CCDC180: variants seen among roughly 807,000 people sequenced by gnomAD.
The protein encoded by CCDC180 is coiled-coil domain containing 180, also known as coiled-coil domain-containing protein 180.
CCDC180 carries 154 observed loss-of-function variants against 209.2 expected under a neutral mutation model. That is an observed-to-expected ratio of 0.74 (90% CI 0.65 to 0.84). CCDC180 has a LOEUF of 0.84. CCDC180 is among the 40% of genes least tolerant of loss of function. The pLI, the probability that CCDC180 is intolerant of heterozygous loss-of-function variation, is 0.00. For missense variants in CCDC180, 1,874 were observed against 1,997.3 expected (o/e 0.94, Z 1.18); for synonymous variants, 778 against 749.1 (o/e 1.04, Z -0.63).
At chr9:97,326,851 G>T (rs1352896257) in intron 15 of CCDC180, among the ~76,000 whole-genome samples, 182 bp downstream of exon 15, 1 of 152,170 alleles carries the variant, frequency 6.6e-6, no homozygotes, top group African/African-American at 2.4e-5. Flanking sequence ...CTTCCAGGGA[G>T]AATTTTTTAA....
At position 97,307,869 on chromosome 9, in the gene CCDC180, C is replaced by G. The variant is rs370078752; in HGVS notation, c.-82+63C>G. On this transcript the variant is annotated intron_variant, in intron 1 of 36. Transcript: ENST00000529487. ...GTCGACGTTCCCCAGCCGCCTACCC[C>G]CCAGCAGAGAGTCCTTCCCCGGGGA... 2.1e-4 allele frequency: 343 copies of G among 1,607,032 alleles called. 3 individuals are homozygous for G. In the South Asian group the frequency reaches 2.8e-3, roughly 13 times the overall value.
intron 22 of CCDC180, among the ~76,000 whole-genome samples, chr9:97,352,886 ATT>A (rs1826459541): frequency 6.6e-6 from 1 of 151,448 alleles, no homozygotes; most frequent in South Asian, 2.1e-4. Context: ...AAATCTATTC[ATT>A]GAGTTTTCAA....
At chr9:97,374,086 C>CT (rs1294684893) in intron 34 of CCDC180, 2 of 160,650 alleles carry the variant, frequency 1.2e-5, no homozygotes, top group African/African-American at 4.8e-5. Flanking sequence ...CAGAGCCCCC[C>CT]ACCCCCTCGC....
At chr9:97,357,827 C>T in intron 25 of CCDC180, 102 bp downstream of exon 25, 1 of 963,856 alleles carries the variant, frequency 1.0e-6, no homozygotes, top group Non-Finnish European at 1.6e-6. Flanking sequence ...TTCTCCAGCA[C>T]AAGGTTGGCG....
chr9:97,326,251 A>T (rs1215637032), intron 14 of CCDC180, among the ~76,000 whole-genome samples: 1 of 152,184 alleles, frequency 6.6e-6, no homozygotes, highest in Non-Finnish European at 1.5e-5. Flanking sequence ...GAGCAGGTGT[A>T]GTGCAGGCCT....
At chr9:97,327,587 T>C (rs1564154193) in intron 15 of CCDC180, among the ~76,000 whole-genome samples, 1 of 152,170 alleles carries the variant, frequency 6.6e-6, no homozygotes, top group African/African-American at 2.4e-5. Context: ...ACACTGCCAA[T>C]TGATTGCAGT....
At chr9:97,319,152 G>A (rs1442678305) in intron 10 of CCDC180, among the ~76,000 whole-genome samples, 3 of 152,150 alleles carry the variant, frequency 2.0e-5, no homozygotes, top group African/African-American at 4.8e-5. Context: ...GGTGAGGTGA[G>A]GGGAAGAAGC....
chr9:97,314,862 G>A lies in CCDC180; in HGVS notation c.711G>A (p.Val237=), dbSNP rs767878421. 6.2e-7 allele frequency: 1 copy of A among 1,613,942 alleles called. No homozygotes were observed. Among genetic ancestry groups the A allele is most frequent in the Non-Finnish European group, 8.5e-7 (1 of 1,179,812 alleles). ...EFSRTDKLKS[V]LKKYAEVIEK... ...CTTGTCATTTCTAGCTAAAAAGCGT[G>A]TTGAAGAAATATGCAGAAGTCATAG... Residue 237 remains valine (V), a synonymous_variant, in exon 8 of 37, where the codon GTG becomes GTA. Transcript: ENST00000529487.
At chr9:97,365,868 C>G in intron 30 of CCDC180, 129 bp downstream of exon 30, 1 of 756,772 alleles carries the variant, frequency 1.3e-6, no homozygotes, top group Non-Finnish European at 2.2e-6. Flanking sequence ...CCACAGCTCC[C>G]CAGCTTCTGT....
At chr9:97,312,041 G>T in intron 3 of CCDC180, 72 bp from the exon 4 acceptor site, 1 of 1,307,062 alleles carries the variant, frequency 7.7e-7, no homozygotes, top group Non-Finnish European at 1.1e-6. Context: ...ACCCCTTGGT[G>T]CCCTTATGTG....
rs570844682 is a variant in CCDC180 at position 97,312,602 on chromosome 9, CAAAG to C, written c.349+402_349+405del. 2.1e-4 allele frequency among the ~76,000 whole-genome samples: 32 copies of C among 152,240 alleles called. 1 individual carries two copies. The South Asian group carries it at 6.2e-3, about 30-fold the overall frequency. The stretch of plus-strand genomic sequence containing the variant: ...GTAATACACGCTCACTGAAGAAAAA[CAAAG>C]GAAGGAGAAAAAGAGAAAGTAAAAC... On this transcript the variant is annotated intron_variant, in intron 4 of 36. Transcript: ENST00000529487.
chr9:97,309,784 C>G (rs547247520), intron 3 of CCDC180, among the ~76,000 whole-genome samples, 180 bp downstream of exon 3: 7 of 152,312 alleles, frequency 4.6e-5, no homozygotes, highest in South Asian at 4.1e-4. Flanking sequence ...CCCATTCCCC[C>G]ACTCCCACAG....
intron 13 of CCDC180, among the ~76,000 whole-genome samples, chr9:97,324,497 AC>A (rs754028390): frequency 6.6e-6 from 1 of 152,236 alleles, no homozygotes; most frequent in Non-Finnish European, 1.5e-5. Flanking sequence ...ACAGGACCAA[AC>A]AAAAACAGGT....
chr9:97,374,521 C>A, intron 34 of CCDC180, 22 bp from the exon 35 acceptor site: 1 of 1,583,266 alleles, frequency 6.3e-7, no homozygotes, highest in Non-Finnish European at 8.7e-7. Flanking sequence ...GCTGCAGTCA[C>A]TAGCCTGTCT....
intron 30 of CCDC180, 110 bp downstream of exon 30, chr9:97,365,849 C>T: frequency 1.1e-6 from 1 of 897,716 alleles, no homozygotes; most frequent in Admixed American, 2.1e-5. Flanking sequence ...GATTCCACCC[C>T]CGCCATGACC....
rs940982542 is a variant in CCDC180, at chr9:97,310,441, G to T, written c.260+837G>T. The stretch of plus-strand genomic sequence containing the variant: ...CGGGGGTCAGGCATGGAGATCAGGA[G>T]TTTCTTGTGAACTTCCAAATTCAGA... On this transcript the variant is annotated intron_variant, in intron 3 of 36. Transcript: ENST00000529487. Among the ~76,000 whole-genome samples, 7 of 152,172 alleles carry T rather than the reference G, an allele frequency of 4.6e-5. No individual in the cohort carries two copies. In the East Asian group the frequency reaches 1.3e-3, roughly 29 times the overall value.
intron 18 of CCDC180, among the ~76,000 whole-genome samples, chr9:97,333,442 A>G (rs1376715452): frequency 2.0e-5 from 3 of 148,940 alleles, no homozygotes; most frequent in Non-Finnish European, 4.4e-5. Flanking sequence ...AGCAGAAGTG[A>G]TACCAGCTCT....
intron 30 of CCDC180, 78 bp downstream of exon 30, chr9:97,365,817 T>G (rs2117930886): frequency 7.8e-7 from 1 of 1,286,730 alleles, no homozygotes. Flanking sequence ...CATGGCCGCT[T>G]GGGGGAAAAT....
chr9:97,324,901 G>T (rs1833478217), intron 13 of CCDC180, 118 bp from the exon 14 acceptor site: 3 of 922,154 alleles, frequency 3.3e-6, no homozygotes, highest in Middle Eastern at 3.5e-4. Flanking sequence ...GACCTTGAGG[G>T]ACGGTGTCTG....
Sources: allele counts gnomAD v4.1 joint callset (sites outside exome capture counted in the v4.1 genomes callset), GRCh38; gene constraint gnomAD v4.1.1; transcripts MANE v1.5; gene names NCBI Gene and HGNC (gene_info 2026-07-23, HGNC 2026-07-21).